The following UGGT2 variants were observed in gnomAD, a reference collection of about 807,000 sequenced individuals.
The protein encoded by UGGT2 is UDP-glucose:glycoprotein glucosyltransferase 2.
A neutral mutation model predicts 192.1 loss-of-function variants in UGGT2; 180 were observed. The ratio of observed to expected loss-of-function variants is 0.94; its 90% CI spans 0.83 to 1.06. The LOEUF is 1.06. UGGT2 is among the 50% of genes least tolerant of loss of function. UGGT2 has a pLI of 0.00. For synonymous variants in UGGT2, 580 were observed against 591.0 expected, an observed-to-expected ratio of 0.98 and a Z score of 0.27; for missense variants, 1,849 against 1,795.7, an observed-to-expected ratio of 1.03 and a Z score of -0.54.
chr13:96,020,950 C>G (rs1476324304), intron 4 of UGGT2, among the ~76,000 whole-genome samples: 1 of 152,182 alleles, frequency 6.6e-6, no homozygotes, highest in African/African-American at 2.4e-5. Context: ...TGACATAGAG[C>G]AAGCAGTATA....
At chr13:96,031,854 C>A (rs1296379813) in intron 2 of UGGT2, 35 bp downstream of exon 2, 1 of 1,483,936 alleles carries the variant, frequency 6.7e-7, no homozygotes. Flanking sequence ...TACATAAATA[C>A]AAATCTTACA....
At chr13:95,875,868 T>C (rs1249923782) in intron 29 of UGGT2, among the ~76,000 whole-genome samples, 1 of 151,980 alleles carries the variant, frequency 6.6e-6, no homozygotes, top group Non-Finnish European at 1.5e-5. Context: ...ATTATCTTTG[T>C]TGAGCACAAC....
chr13:96,044,968 G>A (rs952422679), intron 1 of UGGT2, among the ~76,000 whole-genome samples: 5 of 152,008 alleles, frequency 3.3e-5, no homozygotes, highest in African/African-American at 1.2e-4. Context: ...GACAGAAAGA[G>A]GGAATCCTCC....
chr13:95,966,118 G>A (rs769796165), intron 12 of UGGT2, among the ~76,000 whole-genome samples: 2 of 152,128 alleles, frequency 1.3e-5, no homozygotes, highest in Non-Finnish European at 2.9e-5. Flanking sequence ...CACTATTCAC[G>A]ATAGCAAACA....
chr13:95,868,193 T>C (rs924688895), intron 29 of UGGT2, among the ~76,000 whole-genome samples: 22 of 152,192 alleles, frequency 1.4e-4, no homozygotes, highest in African/African-American at 5.3e-4. Context: ...CTGGGGAGTC[T>C]AGCACTATCA....
intron 38 of UGGT2, among the ~76,000 whole-genome samples, chr13:95,808,081 G>A (rs1205312046): frequency 6.6e-6 from 1 of 152,052 alleles, no homozygotes; most frequent in Non-Finnish European, 1.5e-5. Context: ...ATGGAGTTCT[G>A]GGTGGCCAGA....
At chr13:95,977,033 T>C (rs769969757) in intron 10 of UGGT2, among the ~76,000 whole-genome samples, 9 of 152,080 alleles carry the variant, frequency 5.9e-5, no homozygotes, top group Non-Finnish European at 1.3e-4. Context: ...TCCTTACACC[T>C]TATACAAAAA....
chr13:95,868,175 A>G (rs1412655975), intron 29 of UGGT2, among the ~76,000 whole-genome samples: 1 of 152,200 alleles, frequency 6.6e-6, no homozygotes, highest in African/African-American at 2.4e-5. Flanking sequence ...TTTTTCCAAA[A>G]TGAACACCTG....
chr13:95,901,646 A>G (rs1274823602), intron 21 of UGGT2, among the ~76,000 whole-genome samples: 1 of 152,162 alleles, frequency 6.6e-6, no homozygotes, highest in Non-Finnish European at 1.5e-5. Flanking sequence ...GTTTTCCTGC[A>G]TTGTCCAATA....
chr13:95,802,658 C>G (rs960671808), intron 38 of UGGT2, among the ~76,000 whole-genome samples: 1 of 152,188 alleles, frequency 6.6e-6, no homozygotes. Flanking sequence ...GGAGGCTGGA[C>G]GAGGCTATAA....
At chr13:95,892,903 T>C (rs1019568246) in intron 24 of UGGT2, among the ~76,000 whole-genome samples, 1 of 152,106 alleles carries the variant, frequency 6.6e-6, no homozygotes. Flanking sequence ...CAAGACCTCA[T>C]AGTTTCTCAC....
chr13:96,023,222 A>G, intron 3 of UGGT2, 70 bp from the exon 4 acceptor site: 7 of 1,276,996 alleles, frequency 5.5e-6, no homozygotes, highest in Non-Finnish European at 6.3e-6. Context: ...ACCCTCACAC[A>G]TTACTTTGAT....
intron 38 of UGGT2, among the ~76,000 whole-genome samples, chr13:95,805,703 C>T (rs926486577): frequency 6.6e-6 from 1 of 151,982 alleles, no homozygotes; most frequent in African/African-American, 2.4e-5. Flanking sequence ...ACTATATTAT[C>T]CCACTTATAT....
Position 96,031,882 on chromosome 13 carries a change from CA to C in UGGT2, c.241+6del. Reference sequence around the variant, plus strand: ...ATCTTACAAGTTAAAATTTACATATCACCTACCTGTTTGCTTATAAATTGCT... The same window carrying C: ...ATCTTACAAGTTAAAATTTACATATCCCTACCTGTTTGCTTATAAATTGCT... On this transcript the variant is annotated splice_donor_region_variant and intron_variant, in intron 2 of 38. Transcript: ENST00000376747. The C allele has an allele frequency of 6.3e-7, 1 of 1,594,860 alleles. No homozygotes were observed. The highest frequency in any genetic ancestry group is 1.7e-5 in the Admixed American group (1 of 57,934).
rs938830741 is a variant in UGGT2, at chr13:95,894,635, C to T, written c.2782G>A (p.Val928Ile). Residue 928 changes from valine (V) to isoleucine (I), a missense_variant, in exon 24 of 39, where the codon GTT becomes ATT. By Grantham distance (29) the Val-to-Ile change is conservative. Transcript: ENST00000376747. ...GGCACAGAGGACATAAGGGCATCAA[C>T]TTTCATAATAAAGTCACTCATGCTA... ...ANNMSDFIMK[V>I]DALMSSVPKR... 4 of 1,611,502 alleles carry T rather than the reference C, an allele frequency of 2.5e-6. No homozygotes were observed. The highest frequency in any genetic ancestry group is 1.3e-5 in the African/African-American group (1 of 74,754).
chr13:95,824,137 T>C (rs907024124), intron 38 of UGGT2, among the ~76,000 whole-genome samples: 2 of 152,170 alleles, frequency 1.3e-5, no homozygotes, highest in African/African-American at 4.8e-5. Flanking sequence ...TTCTAGCTTA[T>C]AAGGTTTCTG....
intron 35 of UGGT2, among the ~76,000 whole-genome samples, chr13:95,854,054 A>C (rs2140038202): frequency 6.6e-6 from 1 of 152,334 alleles, no homozygotes; most frequent in East Asian, 1.9e-4. Flanking sequence ...AAGCCTGGGC[A>C]AATTACATGA....
At chr13:95,964,960 C>T (rs1314839472) in intron 12 of UGGT2, among the ~76,000 whole-genome samples, 9 of 152,126 alleles carry the variant, frequency 5.9e-5, no homozygotes, top group Non-Finnish European at 1.3e-4. Flanking sequence ...CAAAAGAAGA[C>T]ATTTATGCAG....
chr13:96,051,854 C>A (rs913034244), intron 1 of UGGT2, among the ~76,000 whole-genome samples: 1 of 152,076 alleles, frequency 6.6e-6, no homozygotes, highest in Non-Finnish European at 1.5e-5. Context: ...ATGCAGCGAA[C>A]AGGGAACACT....
Sources: gnomAD v4.1 joint callset for allele counts (sites outside exome capture counted in the v4.1 genomes callset) on GRCh38, gnomAD v4.1.1 for gene constraint, MANE v1.5 for transcripts, NCBI Gene and HGNC (gene_info 2026-07-23, HGNC 2026-07-21) for gene names.